Variants in PSG4 observed in about 807,000 individuals in gnomAD.
PSG4 encodes the protein pregnancy specific beta-1-glycoprotein 4.
Under a neutral mutation model 44.3 loss-of-function variants are expected in PSG4, and 61 were observed. The ratio of observed to expected loss-of-function variants is 1.38; its 90% CI spans 1.12 to 1.70. PSG4 has a LOEUF of 1.70. Among genes scored for constraint, PSG4 ranks in the 40% most tolerant of loss-of-function variants. The probability of loss-of-function intolerance (pLI) is 0.00; values close to 1 mark genes in which losing one functional copy is unlikely to be tolerated. For synonymous variants in PSG4, 248 were observed against 191.3 expected (o/e 1.30, Z -2.45); for missense variants, 677 against 511.7 (o/e 1.32, Z -3.12).
In PSG4 at chr19:43,201,937, G is replaced by A. The variant is rs1241801135; in HGVS notation, c.430+1949C>T. Among the ~76,000 whole-genome samples, 3 of 144,298 alleles carry A rather than the reference G, an allele frequency of 2.1e-5. 1 individual carries two copies. The highest frequency in any genetic ancestry group is 4.5e-5 in the Non-Finnish European group (3 of 67,090). The allele number at this position is 144,298 out of a possible 152,430, so 94.7% of individuals were successfully genotyped here. A position where few individuals can be genotyped will look rare whatever the true frequency, so the allele number is the denominator to read the frequency against. ...TTGTCCACAGGTCAGCCTCACAAAGGGAAAGAGCCCTTGAAGGGAATACAG... is the reference window on the plus strand; with the variant it reads ...TTGTCCACAGGTCAGCCTCACAAAGAGAAAGAGCCCTTGAAGGGAATACAG... On this transcript the variant is annotated intron_variant, in intron 2 of 5. Coordinates refer to ENST00000405312, the MANE Select transcript of PSG4 (RefSeq NM_002780.5).
Position 43,205,326 on chromosome 19 carries a change from C to G in PSG4, c.64+147G>C, listed in dbSNP as rs180858957. On this transcript the variant is annotated intron_variant, in intron 1 of 5. Transcript: ENST00000405312. ...GCTTCACAGTGTTGGCCAGACTGAT[C>G]TTGAACTCCTGATCTCCTGATCCAC... 2.9e-4 allele frequency: 296 copies of G among 1,037,622 alleles called. 16 individuals are homozygous for G. The highest frequency in any genetic ancestry group is 1.7e-5 in the Non-Finnish European group (13 of 752,882). The allele number at this position is 1,037,622 out of a possible 1,614,324, so 64.3% of individuals were successfully genotyped here. A position where few individuals can be genotyped will look rare whatever the true frequency, so the allele number is the denominator to read the frequency against.
In PSG4 at chr19:43,195,022, T is replaced by G. The variant is rs1409989030; in HGVS notation, c.961A>C (p.Ser321Arg). Reference protein sequence around the residue: ...EIRDRYGGIRSDPVTLNVLYG... With the variant: ...EIRDRYGGIRRDPVTLNVLYG... Reference sequence around the variant, plus strand: ...AGGACATTCAGGGTGACTGGGTCACTGCGGATGCCACCATATCGGTCCCGT... The same window carrying G: ...AGGACATTCAGGGTGACTGGGTCACGGCGGATGCCACCATATCGGTCCCGT... The change falls in exon 4 of 6, where the codon AGT becomes CGT. Residue 321 changes from serine (S) to arginine (R), a missense_variant. Transcript: ENST00000405312. 4.3e-6 allele frequency: 7 copies of G among 1,611,998 alleles called. No individual in the cohort carries two copies.
Position 43,196,090 on chromosome 19 carries a change from A to G in PSG4, c.710-817T>C, listed in dbSNP as rs1599768743. On this transcript the variant is annotated intron_variant, in intron 3 of 5. Coordinates refer to ENST00000405312, the MANE Select transcript of PSG4 (RefSeq NM_002780.5). The stretch of plus-strand genomic sequence containing the variant: ...CCAGAAATACATATGGACATTTGCA[A>G]AAGCAGAACTGACTGGTGGAAAGTG... Among the ~76,000 whole-genome samples the G allele has an allele frequency of 3.3e-5, 5 of 151,798 alleles. No individual in the cohort carries two copies. The East Asian group carries it at 9.6e-4, about 29-fold the overall frequency.
intron 2 of PSG4, among the ~76,000 whole-genome samples, chr19:43,200,096 G>A (rs1307583457): frequency 1.4e-5 from 2 of 145,896 alleles, no homozygotes; most frequent in Non-Finnish European, 3.0e-5. Context: ...AAACAGGTAT[G>A]TGGAATGCTT....
chr19:43,205,486 C>G lies in PSG4; in HGVS notation c.51G>C (p.Gly17=). The G allele has an allele frequency of 1.0e-5, 16 of 1,550,836 alleles. 3 individuals carry two copies. The highest frequency in any genetic ancestry group is 1.4e-5 in the Non-Finnish European group (16 of 1,145,858). The change falls in exon 1 of 6, where the codon GGG becomes GGC. Residue 17 remains glycine (G), a synonymous_variant. Transcript: ENST00000405312. ...PPCTQRITWK[G]VLLTASLLNF... ...TTCTCTCCTCACCTGTGAGCAGGAC[C>G]CCCTTCCAGGTGATGCGCTGTGTGC...
At position 43,197,843 on chromosome 19, in the gene PSG4, C is replaced by T. The variant is rs374713072; in HGVS notation, c.709+154G>A. On this transcript the variant is annotated intron_variant, in intron 3 of 5. Coordinates refer to ENST00000405312, the MANE Select transcript of PSG4 (RefSeq NM_002780.5). Reference sequence around the variant, plus strand: ...CTATTGTGGATCAAGCCTAGGCCTACTCTGGTTTGCCTGGGGCAGAAAGTC... The same window carrying T: ...CTATTGTGGATCAAGCCTAGGCCTATTCTGGTTTGCCTGGGGCAGAAAGTC... 10 of 1,468,792 alleles carry T rather than the reference C, an allele frequency of 6.8e-6. 1 individual carries two copies. The highest frequency in any genetic ancestry group is 1.9e-5 in the Admixed American group (1 of 52,194). The allele number at this position is 1,468,792 out of a possible 1,614,324, so 91.0% of individuals were successfully genotyped here.
rs148538453 is a variant in PSG4 at position 43,198,089 on chromosome 19, C to A, written c.617G>T (p.Gly206Val). 44 of 1,587,626 alleles carry A rather than the reference C, an allele frequency of 2.8e-5. 9 individuals carry two copies. The African/African-American group carries it at 5.0e-4, about 18-fold the overall frequency. The change falls in exon 3 of 6, where the codon GGT becomes GTT. Residue 206 changes from glycine to valine, a missense_variant. Transcript: ENST00000405312. ...SKTNRTLFIF[G>V]VTKYIAGPYE... ...GGGTCCTGCAATATACTTTGTGACA[C>A]CAAATATAAAGAGGGTCCTGTTGGT...
intron 2 of PSG4, among the ~76,000 whole-genome samples, chr19:43,202,650 C>T (rs1967567749): frequency 6.9e-6 from 1 of 144,162 alleles, no homozygotes; most frequent in South Asian, 2.2e-4. Flanking sequence ...GACATGGGCA[C>T]TTTGGGAAAC....
chr19:43,198,166 C>G lies in PSG4; in HGVS notation c.540G>C (p.Trp180Cys). ...TAGGGAGGCTCTGACCATTCATCCA[C>G]CACTGGTAGCTTGCGGCTGGAGTCG... ...DPATPAASYQ[W>C]WMNGQSLPMT... Residue 180 changes from tryptophan to cysteine, a missense_variant, in exon 3 of 6, where the codon TGG becomes TGC. Physicochemically the swap from Trp to Cys is radical, Grantham distance 215. Transcript: ENST00000405312. 1 of 1,588,078 alleles carries G rather than the reference C, an allele frequency of 6.3e-7. No homozygotes were observed. The highest frequency in any genetic ancestry group is 8.5e-7 in the Non-Finnish European group (1 of 1,171,956).
At position 43,200,256 on chromosome 19, in the gene PSG4, G is replaced by T. The variant is rs903444779; in HGVS notation, c.431-1981C>A. 1.5e-4 allele frequency among the ~76,000 whole-genome samples: 22 copies of T among 144,838 alleles called. 1 individual carries two copies. The highest frequency in any genetic ancestry group is 2.7e-4 in the Non-Finnish European group (18 of 67,060). ...ATGGCATCATCATGAGGAAACAGTT[G>T]TATGTGGCACAGGCAGTAAAACCAT... On this transcript the variant is annotated intron_variant, in intron 2 of 5. Transcript: ENST00000405312.
rs1189821615 is a variant in PSG4 at position 43,197,404 on chromosome 19, C to G, written c.709+593G>C. Among the ~76,000 whole-genome samples the G allele has an allele frequency of 5.5e-5, 8 of 145,558 alleles. 2 individuals carry two copies. Among genetic ancestry groups the G allele is most frequent in the African/African-American group, 1.8e-4 (7 of 37,952 alleles). On this transcript the variant is annotated intron_variant, in intron 3 of 5. Coordinates refer to ENST00000405312, the MANE Select transcript of PSG4 (RefSeq NM_002780.5). Reference sequence around the variant, plus strand: ...ATCAGTGGCTGAGTTATGGATGAAACAGACCTAAACCCCTCTATATGTTTT... The same window carrying G: ...ATCAGTGGCTGAGTTATGGATGAAAGAGACCTAAACCCCTCTATATGTTTT...
At chr19:43,197,048 G>C (rs968284419) in intron 3 of PSG4, among the ~76,000 whole-genome samples, 1 of 145,874 alleles carries the variant, frequency 6.9e-6, no homozygotes, top group Non-Finnish European at 1.5e-5. Flanking sequence ...ATAATCATTT[G>C]ACCTTTTTGA....
intron 1 of PSG4, 64 bp downstream of exon 1, chr19:43,205,409 A>C: frequency 1.4e-6 from 2 of 1,461,792 alleles, no homozygotes; most frequent in Non-Finnish European, 1.9e-6. Context: ...CATCCTCTCC[A>C]GGAGACCCCA....
At chr19:43,201,819 TTGTGTG>T (rs57230870) in intron 2 of PSG4, among the ~76,000 whole-genome samples, 6 of 139,336 alleles carry the variant, frequency 4.3e-5, no homozygotes, top group Non-Finnish European at 7.6e-5. Context: ...TTCAATAATT[TTGTGTG>T]TGTGTGTGTG....
At chr19:43,201,408 G>A (rs1021459144) in intron 2 of PSG4, among the ~76,000 whole-genome samples, 1 of 145,374 alleles carries the variant, frequency 6.9e-6, no homozygotes, top group Admixed American at 6.8e-5. Context: ...GTGTCATTTG[G>A]CAAGAGTTTA....
At position 43,199,934 on chromosome 19, in the gene PSG4, A is replaced by G. The variant is rs10413681; in HGVS notation, c.431-1659T>C. Among the ~76,000 whole-genome samples the G allele has an allele frequency of 4.8e-3, 690 of 145,004 alleles. 126 individuals are homozygous for G. The highest frequency in any genetic ancestry group is 0.024 in the East Asian group (103 of 4,208). On this transcript the variant is annotated intron_variant, in intron 2 of 5. Coordinates refer to ENST00000405312, the MANE Select transcript of PSG4 (RefSeq NM_002780.5). ...CAGCTCCTTAAGTAGAGAGAGTCCCATTAAAAGGACAGAACTGGTCAGTGC... is the reference window on the plus strand; with the variant it reads ...CAGCTCCTTAAGTAGAGAGAGTCCCGTTAAAAGGACAGAACTGGTCAGTGC...
chr19:43,203,648 C>T (rs987746128), intron 2 of PSG4: 5 of 665,600 alleles, frequency 7.5e-6, no homozygotes, highest in Non-Finnish European at 1.1e-5. Flanking sequence ...CCTGCTGAGT[C>T]CCCCCATCAG....
rs142156065 is a variant in PSG4, at chr19:43,193,328, C to G, written c.*44G>C. 24 of 775,048 alleles carry G rather than the reference C, an allele frequency of 3.1e-5. No individual in the cohort carries two copies. Among genetic ancestry groups the G allele is most frequent in the African/African-American group, 5.1e-5 (3 of 58,738 alleles). 48.0% of individuals were successfully genotyped at this position (775,048 alleles called of 1,614,324 possible). A position where few individuals can be genotyped will look rare whatever the true frequency, so the allele number is the denominator to read the frequency against. ...CTGGAACAGAGTGGGTCTTGCTCTT[C>G]GTGATTCCATGGGAGAAAATGGAAT... On this transcript the variant is annotated 3_prime_UTR_variant, in exon 6 of 6. Transcript: ENST00000405312.
rs575942255 is a variant in PSG4, at chr19:43,205,552, T to C, written c.-16A>G. 2.7e-4 allele frequency: 417 copies of C among 1,532,892 alleles called. 31 individuals are homozygous for C. The highest frequency in any genetic ancestry group is 1.4e-3 in the Admixed American group (79 of 56,200). The allele number at this position is 1,532,892 out of a possible 1,614,324, so 95.0% of individuals were successfully genotyped here. On this transcript the variant is annotated 5_prime_UTR_variant, in exon 1 of 6. Coordinates refer to ENST00000405312, the MANE Select transcript of PSG4 (RefSeq NM_002780.5). ...GGGGCCCCATGGTCTCTGCTGCTTG[T>C]GTGTTCTCCTCTGTGGAGATAAGCC... is the stretch of plus-strand genomic sequence containing the variant.
Sources: gnomAD v4.1 joint callset for allele counts (sites outside exome capture counted in the v4.1 genomes callset) on GRCh38, gnomAD v4.1.1 for gene constraint, MANE v1.5 for transcripts, NCBI Gene and HGNC (gene_info 2026-07-23, HGNC 2026-07-21) for gene names.